BCKDHB: variants seen among roughly 807,000 people sequenced by gnomAD.
BCKDHB encodes the protein branched chain keto acid dehydrogenase E1 subunit beta, also known as 2-oxoisovalerate dehydrogenase subunit beta, mitochondrial.
A neutral mutation model predicts 48.5 loss-of-function variants in BCKDHB; 41 were observed. The observed-to-expected ratio is 0.85, with a 90% CI of 0.66 to 1.10. The LOEUF is 1.10. Ranked by LOEUF, BCKDHB falls within the 50% of genes least tolerant of loss-of-function variation. The probability of loss-of-function intolerance (pLI) is 0.00; values close to 1 mark genes in which losing one functional copy is unlikely to be tolerated. For synonymous variants in BCKDHB, 201 were observed against 174.8 expected, an observed-to-expected ratio of 1.15 and a Z score of -1.18; for missense variants, 496 against 494.2, an observed-to-expected ratio of 1.00 and a Z score of -0.03.
the BCKDHB span, among the ~76,000 whole-genome samples, chr6:80,418,878 G>A: frequency 6.6e-6 from 1 of 152,166 alleles, no homozygotes; most frequent in Non-Finnish European, 1.5e-5. Flanking sequence ...CAGCTTGGGG[G>A]CCACTTCTGG....
At chr6:80,211,287 C>T (rs551940027) in intron 8 of BCKDHB, among the ~76,000 whole-genome samples, 1 of 152,098 alleles carries the variant, frequency 6.6e-6, no homozygotes, top group South Asian at 2.1e-4. Flanking sequence ...AAGAATTTGC[C>T]TTTATACCGT....
intron 8 of BCKDHB, among the ~76,000 whole-genome samples, chr6:80,260,002 G>A (rs1244768390): frequency 6.6e-6 from 1 of 152,044 alleles, no homozygotes; most frequent in Non-Finnish European, 1.5e-5. Context: ...CCCCTATTTT[G>A]TATTGGTCCT....
the BCKDHB span, among the ~76,000 whole-genome samples, chr6:80,398,863 T>C: frequency 2.6e-5 from 4 of 152,200 alleles, no homozygotes; most frequent in Middle Eastern, 3.4e-3. Flanking sequence ...ACTTCCAAAA[T>C]GAATCCAGTA....
At position 80,287,750 on chromosome 6, in the gene BCKDHB, C is replaced by T. The variant is rs933862646; in HGVS notation, c.1038+14529C>T. 2.3e-4 allele frequency among the ~76,000 whole-genome samples: 35 copies of T among 152,062 alleles called. 1 individual carries two copies. Among genetic ancestry groups the T allele is most frequent in the African/African-American group, 8.5e-4 (35 of 41,380 alleles). On this transcript the variant is annotated intron_variant, in intron 9 of 9. Coordinates refer to ENST00000320393, the MANE Select transcript of BCKDHB (RefSeq NM_183050.4). ...AGGTGGGAATTCCTGGTGGCTCCAC[C>T]CCATTCCCCCTGGACGCATGTGGGC...
At chr6:80,438,073 C>T in the BCKDHB span, among the ~76,000 whole-genome samples, 1 of 152,166 alleles carries the variant, frequency 6.6e-6, no homozygotes, top group Non-Finnish European at 1.5e-5. Context: ...CAACATCTGG[C>T]TTCCATTATA....
chr6:80,290,462 A>G (rs1189389010), intron 9 of BCKDHB, among the ~76,000 whole-genome samples: 7 of 152,200 alleles, frequency 4.6e-5, no homozygotes, highest in Non-Finnish European at 8.8e-5. Flanking sequence ...TCCCCCGCCC[A>G]CTGCGGAGCA....
intron 6 of BCKDHB, among the ~76,000 whole-genome samples, chr6:80,199,163 A>G (rs1281145048): frequency 1.3e-5 from 2 of 151,554 alleles, no homozygotes; most frequent in Admixed American, 6.6e-5. Context: ...AGAATGTGGA[A>G]CTCACTTCTG....
At chr6:80,111,859 C>T (rs1230744085) in intron 1 of BCKDHB, among the ~76,000 whole-genome samples, 3 of 152,042 alleles carry the variant, frequency 2.0e-5, no homozygotes, top group African/African-American at 2.4e-5. Context: ...TTAGTCTACC[C>T]GGGGGGCTAC....
chr6:80,127,189 T>G (rs750752469), intron 1 of BCKDHB: 59 of 302,726 alleles, frequency 1.9e-4, no homozygotes, highest in Middle Eastern at 1.2e-3. Context: ...CCTTATGGCT[T>G]AGGTTCCTAA....
At chr6:80,311,958 G>A (rs1399065917) in intron 9 of BCKDHB, among the ~76,000 whole-genome samples, 2 of 152,158 alleles carry the variant, frequency 1.3e-5, no homozygotes, top group South Asian at 2.1e-4. Flanking sequence ...TTCTAATTCT[G>A]TGAAGATTGT....
At chr6:80,187,321 CTAT>C (rs1415340940) in intron 6 of BCKDHB, among the ~76,000 whole-genome samples, 2 of 151,978 alleles carry the variant, frequency 1.3e-5, no homozygotes, top group Non-Finnish European at 2.9e-5. Flanking sequence ...AAAGTTGTTG[CTAT>C]TATTATCATA....
intron 9 of BCKDHB, among the ~76,000 whole-genome samples, chr6:80,282,138 C>T (rs1285679467): frequency 6.6e-6 from 1 of 152,052 alleles, no homozygotes; most frequent in Non-Finnish European, 1.5e-5. Flanking sequence ...TTAATAGGGC[C>T]TTTATTTAAA....
At position 80,200,957 on chromosome 6, in the gene BCKDHB, TACA is replaced by T; in HGVS notation, c.770_772del (p.Asn257del). The T allele has an allele frequency of 6.2e-7, 1 of 1,612,002 alleles. No individual in the cohort carries two copies. The highest frequency in any genetic ancestry group is 8.5e-7 in the Non-Finnish European group (1 of 1,178,394). ...AGCGGAAGAAGTCCCTATAGAACCATACAACATCCCACTGTCCCAGGCCGAAGT... is the reference window on the plus strand; with the variant it reads ...AGCGGAAGAAGTCCCTATAGAACCATACATCCCACTGTCCCAGGCCGAAGT... On this transcript the variant is annotated inframe_deletion, in exon 7 of 10. Transcript: ENST00000320393.
At chr6:80,316,039 C>T (rs1368495968) in intron 9 of BCKDHB, among the ~76,000 whole-genome samples, 1 of 152,184 alleles carries the variant, frequency 6.6e-6, no homozygotes, top group Non-Finnish European at 1.5e-5. Context: ...CGGGGATCTT[C>T]CTCCCATCAG....
chr6:80,435,988 A>T, the BCKDHB span, among the ~76,000 whole-genome samples: 1 of 152,136 alleles, frequency 6.6e-6, no homozygotes, highest in African/African-American at 2.4e-5. Context: ...GTGAGAAAAA[A>T]CTACAACATC....
intron 9 of BCKDHB, among the ~76,000 whole-genome samples, chr6:80,326,686 G>A (rs1267501592): frequency 3.3e-5 from 5 of 152,048 alleles, no homozygotes; most frequent in Non-Finnish European, 5.9e-5. Flanking sequence ...TCAGTAGTTC[G>A]AGACCAGCCT....
At chr6:80,366,957 T>G in the BCKDHB span, among the ~76,000 whole-genome samples, 645 of 152,320 alleles carry the variant, frequency 4.2e-3, 6 homozygotes, top group Non-Finnish European at 6.7e-3. Flanking sequence ...ATGCAAAGTC[T>G]TGCTGCTAAC....
the BCKDHB span, among the ~76,000 whole-genome samples, chr6:80,408,905 C>T: frequency 6.6e-6 from 1 of 151,084 alleles, no homozygotes; most frequent in Non-Finnish European, 1.5e-5. Context: ...TATTTCTTGC[C>T]TCCTGCTAGC....
chr6:80,356,616 G>A, the BCKDHB span: 3 of 152,126 alleles, frequency 2.0e-5, no homozygotes, highest in South Asian at 6.2e-4. Flanking sequence ...AGAGAACATA[G>A]CCATGTTAGG....
Sources: gnomAD v4.1 joint callset for allele counts (sites outside exome capture counted in the v4.1 genomes callset) on GRCh38, gnomAD v4.1.1 for gene constraint, MANE v1.5 for transcripts, NCBI Gene and HGNC (gene_info 2026-07-23, HGNC 2026-07-21) for gene names.